STOX2: variants seen among roughly 807,000 people sequenced by gnomAD.
STOX2 encodes the protein storkhead box 2.
Under a neutral mutation model 60.9 loss-of-function variants are expected in STOX2, and 28 were observed. That is an observed-to-expected ratio of 0.46 (90% CI 0.34 to 0.63). The LOEUF (loss-of-function observed/expected upper bound fraction) is 0.63, where lower values mean the gene tolerates loss of function less well. Ranked by LOEUF, STOX2 falls within the 30% of genes least tolerant of loss-of-function variation. The probability of loss-of-function intolerance (pLI) is 0.01; values close to 1 mark genes in which losing one functional copy is unlikely to be tolerated. For missense variants in STOX2, 1,024 were observed against 1,187.7 expected (o/e 0.86, Z 2.03); for synonymous variants, 472 against 463.9 (o/e 1.02, Z -0.22).
chr4:183,917,286 C>G (rs1741959370), intron 1 of STOX2, among the ~76,000 whole-genome samples: 1 of 152,248 alleles, frequency 6.6e-6, no homozygotes, highest in East Asian at 1.9e-4. Flanking sequence ...TCGTGACCCA[C>G]TCACAGGGGC....
chr4:183,820,307 C>T (rs1739277402), intron 1 of STOX2, among the ~76,000 whole-genome samples: 1 of 152,170 alleles, frequency 6.6e-6, no homozygotes, highest in Admixed American at 6.5e-5. Flanking sequence ...CTCTGGTTTT[C>T]ACATCTTGCC....
At chr4:183,957,995 G>A (rs111991039) in intron 1 of STOX2, among the ~76,000 whole-genome samples, 1 of 150,658 alleles carries the variant, frequency 6.6e-6, no homozygotes, top group African/African-American at 2.4e-5. Flanking sequence ...AGGGGGGATG[G>A]TAGAATGGTA....
intron 1 of STOX2, among the ~76,000 whole-genome samples, chr4:183,998,179 C>G (rs748081436): frequency 2.0e-5 from 3 of 152,156 alleles, no homozygotes; most frequent in Admixed American, 2.0e-4. Context: ...AATAGGCACA[C>G]GTTGGAAGGT....
intron 1 of STOX2, among the ~76,000 whole-genome samples, chr4:183,884,731 T>C (rs2111176034): frequency 6.6e-6 from 1 of 152,264 alleles, no homozygotes; most frequent in South Asian, 2.1e-4. Flanking sequence ...GAATATAGGG[T>C]ACAAAACCGA....
intron 1 of STOX2, chr4:183,798,158 C>A: frequency 3.6e-6 from 4 of 1,117,332 alleles, no homozygotes; most frequent in Non-Finnish European, 4.5e-6. Flanking sequence ...CCGCGGGCAC[C>A]GCCGAGGCTC....
rs148183119 is a variant in STOX2, at chr4:183,800,136, T to C, written c.364+2081T>C. On this transcript the variant is annotated intron_variant, in intron 1 of 2. Coordinates refer to the STOX2 transcript ENST00000513034. ...CAGTAATGACGGTAAAATGCTGAAT[T>C]GTTTGAAAGATTTTTATCTACTATA... Among the ~76,000 whole-genome samples the C allele has an allele frequency of 4.3e-3, 660 of 152,330 alleles. 4 individuals carry two copies. Among genetic ancestry groups the C allele is most frequent in the African/African-American group, 0.015 (618 of 41,558 alleles).
chr4:183,843,141 C>T (rs1480955820), intron 1 of STOX2, among the ~76,000 whole-genome samples: 1 of 125,240 alleles, frequency 8.0e-6, no homozygotes, highest in Non-Finnish European at 1.6e-5. Flanking sequence ...GAGCGAGACT[C>T]CATCTCAAAA....
chr4:184,011,455 C>G lies in STOX2; in HGVS notation c.2585+32C>G. ...AGAGGTGTCTCTGTGCACACACATG[C>G]GCCTAGCGGGGCCTGGGGCTTTATG... On this transcript the variant is annotated intron_variant, in intron 3 of 3. Transcript: ENST00000308497. The surrounding 1 kb of genome is among the most constrained non-coding windows in gnomAD (Gnocchi z 4.4). The G allele has an allele frequency of 6.3e-7, 1 of 1,594,772 alleles. No individual in the cohort carries two copies. Among genetic ancestry groups the G allele is most frequent in the Non-Finnish European group, 8.6e-7 (1 of 1,169,462 alleles).
intron 1 of STOX2, among the ~76,000 whole-genome samples, chr4:183,908,168 C>T (rs766253179): frequency 3.3e-5 from 5 of 152,126 alleles, no homozygotes; most frequent in South Asian, 4.1e-4. Context: ...CAAAGTCAGG[C>T]GACATAAGGA....
chr4:183,878,088 G>A (rs1740874121), intron 1 of STOX2, among the ~76,000 whole-genome samples: 1 of 152,166 alleles, frequency 6.6e-6, no homozygotes, highest in African/African-American at 2.4e-5. Flanking sequence ...AAACTGAGTT[G>A]CAGAAAGCTT....
rs1743274824 is a variant in STOX2 at position 183,957,168 on chromosome 4, TAATA to T, written c.167-44155_167-44152del. 6.7e-5 allele frequency among the ~76,000 whole-genome samples: 10 copies of T among 148,822 alleles called. No individual in the cohort carries two copies. In the South Asian group the frequency reaches 2.1e-3, roughly 31 times the overall value. On this transcript the variant is annotated intron_variant, in intron 1 of 3. Coordinates refer to ENST00000308497, the MANE Select transcript of STOX2 (RefSeq NM_020225.3). ...TAAAGTATAATAATAATAATAATAA[TAATA>T]ATAATAATAATAAAAGAAAAAACAC...
intron 1 of STOX2, among the ~76,000 whole-genome samples, chr4:183,915,265 C>G (rs929439550): frequency 2.6e-4 from 39 of 152,220 alleles, no homozygotes; most frequent in African/African-American, 9.2e-4. Flanking sequence ...ATTAACATTG[C>G]CTTCTCACCC....
intron 1 of STOX2, among the ~76,000 whole-genome samples, chr4:183,896,539 G>A: frequency 6.6e-6 from 1 of 152,148 alleles, no homozygotes; most frequent in Non-Finnish European, 1.5e-5. Context: ...ACGGGATCTT[G>A]TTATGTTGCC....
intron 1 of STOX2, among the ~76,000 whole-genome samples, chr4:183,833,505 G>GA (rs1296054522): frequency 1.3e-5 from 2 of 152,066 alleles, no homozygotes; most frequent in Non-Finnish European, 2.9e-5. Context: ...GAGACATTCT[G>GA]AAAAAATCCA....
chr4:183,857,721 C>T (rs1453159710), intron 1 of STOX2, among the ~76,000 whole-genome samples: 1 of 152,122 alleles, frequency 6.6e-6, no homozygotes, highest in East Asian at 1.9e-4. Flanking sequence ...CCAGCTCTGC[C>T]CCAGTGCTGC....
intron 1 of STOX2, among the ~76,000 whole-genome samples, chr4:183,808,390 T>C (rs1309566772): frequency 6.6e-6 from 1 of 152,214 alleles, no homozygotes; most frequent in Non-Finnish European, 1.5e-5. Flanking sequence ...GAAGGCCTGC[T>C]CACTTTGGAG....
At position 183,889,240 on chromosome 4, in the gene STOX2, G is replaced by C. The variant is rs375096450; in HGVS notation, c.364+91185G>C. On this transcript the variant is annotated intron_variant, in intron 1 of 2. Coordinates refer to the STOX2 transcript ENST00000513034. ...TCATTAGTTAAGAGGAGGTTGTACT[G>C]GAGTAGGGTGGGCCCTCATCCAGCA... 5.3e-5 allele frequency among the ~76,000 whole-genome samples: 8 copies of C among 152,130 alleles called. No homozygotes were observed. In the East Asian group the frequency reaches 1.2e-3, roughly 22 times the overall value.
intron 1 of STOX2, among the ~76,000 whole-genome samples, chr4:183,885,424 C>A (rs1741057674): frequency 6.6e-6 from 1 of 152,182 alleles, no homozygotes; most frequent in African/African-American, 2.4e-5. Context: ...CAAAGGCCTG[C>A]ATTTCGTGGT....
intron 1 of STOX2, among the ~76,000 whole-genome samples, chr4:183,998,188 G>A (rs1178349247): frequency 6.6e-6 from 1 of 152,174 alleles, no homozygotes; most frequent in Non-Finnish European, 1.5e-5. Context: ...ACGTTGGAAG[G>A]TATTAACTTC....
Sources: allele counts gnomAD v4.1 joint callset (sites outside exome capture counted in the v4.1 genomes callset), GRCh38; gene constraint gnomAD v4.1.1; non-coding constraint Gnocchi (gnomAD v3.1); transcripts MANE v1.5; gene names NCBI Gene and HGNC (gene_info 2026-07-23, HGNC 2026-07-21).